Variants in SYN3 observed in about 807,000 individuals in gnomAD.
The protein encoded by SYN3 is synapsin-3.
A neutral mutation model predicts 65.8 loss-of-function variants in SYN3; 35 were observed. The observed-to-expected ratio is 0.53, with a 90% confidence interval of 0.41 to 0.70. The LOEUF (loss-of-function observed/expected upper bound fraction) is 0.70. Ranked by LOEUF, SYN3 falls within the 30% of genes least tolerant of loss-of-function variation. The probability of loss-of-function intolerance (pLI) is 0.00; values close to 1 mark genes in which losing one functional copy is unlikely to be tolerated. For missense variants in SYN3, 680 were observed against 749.0 expected (o/e 0.91, Z 1.08); for synonymous variants, 270 against 292.9 (o/e 0.92, Z 0.80).
chr22:32,715,968 G>A (rs1162052697), intron 6 of SYN3, among the ~76,000 whole-genome samples: 1 of 152,104 alleles, frequency 6.6e-6, no homozygotes, highest in Non-Finnish European at 1.5e-5. Context: ...AAAGAGCTAG[G>A]GAATCCTGGA....
At chr22:33,041,127 C>T (rs544597167) in intron 1 of SYN3, among the ~76,000 whole-genome samples, 2 of 152,004 alleles carry the variant, frequency 1.3e-5, no homozygotes, top group East Asian at 1.9e-4. Flanking sequence ...CCATGTTGGC[C>T]AGGATGGTCT....
intron 4 of SYN3, among the ~76,000 whole-genome samples, chr22:32,869,563 G>A (rs2048790500): frequency 6.6e-6 from 1 of 152,090 alleles, no homozygotes; most frequent in Non-Finnish European, 1.5e-5. Context: ...CGAGCACCCT[G>A]AGGCTCAGGA....
At chr22:32,984,161 CAAAAAA>C (rs35678412) in intron 2 of SYN3, among the ~76,000 whole-genome samples, 5 of 92,992 alleles carry the variant, frequency 5.4e-5, no homozygotes, top group African/African-American at 2.1e-4. Flanking sequence ...AAACTCCATC[CAAAAAA>C]AAAAAAAAAA....
At chr22:32,937,255 A>G (rs2050799318) in intron 3 of SYN3, among the ~76,000 whole-genome samples, 1 of 152,220 alleles carries the variant, frequency 6.6e-6, no homozygotes, top group Non-Finnish European at 1.5e-5. Context: ...ACAATGGGAG[A>G]GAAAGAAACA....
intron 2 of SYN3, among the ~76,000 whole-genome samples, chr22:32,988,788 T>G (rs1435997835): frequency 6.6e-6 from 1 of 152,128 alleles, no homozygotes; most frequent in Non-Finnish European, 1.5e-5. Flanking sequence ...TGTGTGTGTC[T>G]GCCAAAAGGA....
intron 6 of SYN3, among the ~76,000 whole-genome samples, chr22:32,610,402 A>C (rs545954945): frequency 2.6e-5 from 4 of 152,304 alleles, no homozygotes; most frequent in Admixed American, 2.0e-4. Context: ...AACTCGGTAC[A>C]TAGTACCAGT....
intron 6 of SYN3, among the ~76,000 whole-genome samples, chr22:32,811,892 G>T (rs1215030542): frequency 1.3e-5 from 2 of 152,170 alleles, no homozygotes; most frequent in African/African-American, 4.8e-5. Context: ...AAGTCACTAG[G>T]GTAGCCAAAG....
At chr22:33,001,710 C>G (rs2053064199) in intron 2 of SYN3, among the ~76,000 whole-genome samples, 1 of 152,188 alleles carries the variant, frequency 6.6e-6, no homozygotes, top group Non-Finnish European at 1.5e-5. Flanking sequence ...TATACTAACT[C>G]AGATCTTAAC....
chr22:32,840,260 A>T (rs1569266757), intron 6 of SYN3, among the ~76,000 whole-genome samples: 1 of 152,170 alleles, frequency 6.6e-6, no homozygotes, highest in Non-Finnish European at 1.5e-5. Flanking sequence ...TAAAACCAAG[A>T]TTAATATTTT....
chr22:32,829,968 C>T (rs1481719656), intron 6 of SYN3, among the ~76,000 whole-genome samples: 2 of 152,212 alleles, frequency 1.3e-5, no homozygotes, highest in Admixed American at 1.3e-4. Context: ...CTCTGCATTG[C>T]TCTGGGGTGT....
intron 7 of SYN3, among the ~76,000 whole-genome samples, chr22:32,560,697 C>T (rs2058574356): frequency 6.6e-6 from 1 of 152,072 alleles, no homozygotes; most frequent in African/African-American, 2.4e-5. Context: ...CAACGACTTT[C>T]GTTTTTACTG....
chr22:32,983,383 T>C (rs1382098169), intron 2 of SYN3, among the ~76,000 whole-genome samples: 1 of 152,086 alleles, frequency 6.6e-6, no homozygotes, highest in Non-Finnish European at 1.5e-5. Context: ...TTTTCAGCCT[T>C]CCATTTGTGA....
chr22:32,521,430 C>G (rs1022101669), intron 12 of SYN3, among the ~76,000 whole-genome samples: 2 of 145,860 alleles, frequency 1.4e-5, no homozygotes, highest in Admixed American at 1.4e-4. Flanking sequence ...GATGTTTAAG[C>G]AACACCTCTT....
intron 6 of SYN3, among the ~76,000 whole-genome samples, chr22:32,827,355 G>A (rs1252180229): frequency 1.3e-5 from 2 of 152,214 alleles, no homozygotes; most frequent in East Asian, 3.8e-4. Flanking sequence ...CTCAGGCTGG[G>A]CAGAATCTGC....
intron 1 of SYN3, among the ~76,000 whole-genome samples, chr22:33,013,528 CTA>C (rs1182613769): frequency 1.3e-5 from 2 of 152,104 alleles, no homozygotes; most frequent in Non-Finnish European, 1.5e-5. Context: ...ATTAACAAAT[CTA>C]TCATCTCACA....
intron 6 of SYN3, among the ~76,000 whole-genome samples, chr22:32,829,007 T>G (rs1289546423): frequency 6.6e-6 from 1 of 152,170 alleles, no homozygotes; most frequent in Non-Finnish European, 1.5e-5. Flanking sequence ...TCTTGAGGGT[T>G]GGAGGAGACT....
chr22:32,985,815 C>T (rs1440822975), intron 2 of SYN3, among the ~76,000 whole-genome samples: 1 of 152,044 alleles, frequency 6.6e-6, no homozygotes, highest in Non-Finnish European at 1.5e-5. Context: ...AACCTCTGCA[C>T]AGGCCTTCAC....
intron 4 of SYN3, among the ~76,000 whole-genome samples, chr22:32,897,484 G>A (rs2049627674): frequency 6.6e-6 from 1 of 152,182 alleles, no homozygotes; most frequent in African/African-American, 2.4e-5. Context: ...GGCAGGCACT[G>A]TAAATCTGCT....
chr22:32,683,766 GTGTCCTTGCAGATGTCAT>G (rs1249037321), intron 6 of SYN3, among the ~76,000 whole-genome samples: 1 of 152,214 alleles, frequency 6.6e-6, no homozygotes, highest in African/African-American at 2.4e-5. Context: ...CTTGGAAATA[GTGTCCTTGCAGATGTCAT>G]TGTCCTTACC....
Sources: gnomAD v4.1 joint callset for allele counts (sites outside exome capture counted in the v4.1 genomes callset) on GRCh38, gnomAD v4.1.1 for gene constraint, MANE v1.5 for transcripts, NCBI Gene and HGNC (gene_info 2026-07-23, HGNC 2026-07-21) for gene names.